Variants in ZZZ3 observed in about 807,000 individuals in gnomAD.
The protein encoded by ZZZ3 is ZZ-type zinc finger-containing protein 3.
ZZZ3 carries 22 observed loss-of-function variants against 95.2 expected under a neutral mutation model. The ratio of observed to expected loss-of-function variants is 0.23; its 90% CI spans 0.17 to 0.33. The LOEUF is 0.33. Ranked by LOEUF, ZZZ3 falls within the 10% of genes least tolerant of loss-of-function variation. The probability of loss-of-function intolerance (pLI) is 1.00; values close to 1 mark genes in which losing one functional copy is unlikely to be tolerated. For missense variants in ZZZ3, 885 were observed against 1,066.5 expected, an observed-to-expected ratio of 0.83 and a Z score of 2.37; for synonymous variants, 335 against 358.9, an observed-to-expected ratio of 0.93 and a Z score of 0.75.
intron 5 of ZZZ3, among the ~76,000 whole-genome samples, chr1:77,617,129 G>A (rs1039028904): frequency 1.3e-5 from 2 of 152,098 alleles, no homozygotes; most frequent in African/African-American, 4.8e-5. Context: ...TCATCTGTCT[G>A]TGGTAAAAAT....
chr1:77,599,009 C>A (rs1240201743), intron 5 of ZZZ3, among the ~76,000 whole-genome samples: 1 of 152,058 alleles, frequency 6.6e-6, no homozygotes, highest in African/African-American at 2.4e-5. Context: ...GATGAGGAGG[C>A]TGGAGAGACG....
intron 5 of ZZZ3, among the ~76,000 whole-genome samples, chr1:77,605,737 A>G (rs1665166001): frequency 6.6e-6 from 1 of 152,144 alleles, no homozygotes. Context: ...ACCCTGGGCC[A>G]GAAAGGAACC....
chr1:77,644,047 G>A (rs1669025706), intron 1 of ZZZ3, among the ~76,000 whole-genome samples: 1 of 151,806 alleles, frequency 6.6e-6, no homozygotes, highest in Admixed American at 6.6e-5. Context: ...TATGGTCAAA[G>A]ACAGAAATAA....
chr1:77,600,622 T>C (rs1191209707), intron 5 of ZZZ3, among the ~76,000 whole-genome samples: 1 of 151,928 alleles, frequency 6.6e-6, no homozygotes, highest in Non-Finnish European at 1.5e-5. Flanking sequence ...GAAAGACAAT[T>C]AGCTAAGAAA....
rs751364188 is a variant in ZZZ3 at position 77,564,753 on chromosome 1, G to A, written c.*887C>T. ...TATGGATCTTGTGCAGACTACAAAA[G>A]AGGGAAATTATTACCATATATATGA... On this transcript the variant is annotated 3_prime_UTR_variant, in exon 15 of 15. Transcript: ENST00000370801. 1 of 152,566 alleles carries A rather than the reference G, an allele frequency of 6.6e-6. No individual in the cohort carries two copies. Among genetic ancestry groups the A allele is most frequent in the Non-Finnish European group, 1.5e-5 (1 of 68,020 alleles). The allele number at this position is 152,566 out of a possible 1,614,324, so 9.5% of individuals were successfully genotyped here.
At chr1:77,617,767 G>A (rs1257988434) in intron 5 of ZZZ3, among the ~76,000 whole-genome samples, 1 of 145,186 alleles carries the variant, frequency 6.9e-6, no homozygotes, top group Non-Finnish European at 1.5e-5. Flanking sequence ...GTGAAACCCT[G>A]CCTCTACTGA....
intron 1 of ZZZ3, among the ~76,000 whole-genome samples, chr1:77,656,223 G>A (rs1670256955): frequency 6.6e-6 from 1 of 152,018 alleles, no homozygotes; most frequent in South Asian, 2.1e-4. Context: ...TTAATTCTTG[G>A]CTTGCTTTAA....
At chr1:77,592,923 TAAAGA>T (rs1455521765) in intron 5 of ZZZ3, among the ~76,000 whole-genome samples, 26 of 152,208 alleles carry the variant, frequency 1.7e-4, no homozygotes, top group African/African-American at 5.8e-4. Context: ...TATTACGAGG[TAAAGA>T]TCCACAAGAA....
At chr1:77,658,121 G>T (rs1376808040) in intron 1 of ZZZ3, among the ~76,000 whole-genome samples, 1 of 149,998 alleles carries the variant, frequency 6.7e-6, no homozygotes, top group African/African-American at 2.5e-5. Flanking sequence ...AGAGGTTGCG[G>T]CGAGCTGAGA....
At chr1:77,570,381 G>C (rs576412448) in intron 12 of ZZZ3, among the ~76,000 whole-genome samples, 39 of 152,272 alleles carry the variant, frequency 2.6e-4, no homozygotes, top group Non-Finnish European at 5.6e-4. Flanking sequence ...GGGATTACAG[G>C]CATACCACAC....
chr1:77,682,348 G>C (rs1672859498), intron 1 of ZZZ3, among the ~76,000 whole-genome samples: 2 of 152,238 alleles, frequency 1.3e-5, no homozygotes, highest in Admixed American at 1.3e-4. Flanking sequence ...GTCTGCGCGA[G>C]CACGGCTCCC....
At position 77,566,189 on chromosome 1, in the gene ZZZ3, A is replaced by G. The variant is rs769933525; in HGVS notation, c.2467-8T>C. 6 of 1,580,634 alleles carry G rather than the reference A, an allele frequency of 3.8e-6. No homozygotes were observed. In the African/African-American group the frequency reaches 4.1e-5, roughly 11 times the overall value. ...TATGCCACAGTTATCACACTATAACAGATTCAGAGAGAAAATGTATTAAGT... is the reference window on the plus strand; with the variant it reads ...TATGCCACAGTTATCACACTATAACGGATTCAGAGAGAAAATGTATTAAGT... On this transcript the variant is annotated splice_region_variant and splice_polypyrimidine_tract_variant and intron_variant, in intron 13 of 14. Coordinates refer to ENST00000370801, the MANE Select transcript of ZZZ3 (RefSeq NM_015534.6).
At chr1:77,575,756 C>T (rs907452546) in intron 12 of ZZZ3, among the ~76,000 whole-genome samples, 1 of 152,066 alleles carries the variant, frequency 6.6e-6, no homozygotes. Flanking sequence ...AACAAATTAC[C>T]TTTTATAAAC....
At chr1:77,671,095 G>C (rs1454491637) in intron 1 of ZZZ3, among the ~76,000 whole-genome samples, 1 of 151,468 alleles carries the variant, frequency 6.6e-6, no homozygotes, top group East Asian at 1.9e-4. Context: ...CCTCAGAATG[G>C]AGGCACTTTA....
At chr1:77,608,773 T>C (rs1028317052) in intron 5 of ZZZ3, among the ~76,000 whole-genome samples, 1 of 152,148 alleles carries the variant, frequency 6.6e-6, no homozygotes, top group Non-Finnish European at 1.5e-5. Context: ...TTTTTTTAAG[T>C]CTTGTTTTTG....
At chr1:77,654,813 T>G (rs1670125895) in intron 1 of ZZZ3, among the ~76,000 whole-genome samples, 1 of 152,252 alleles carries the variant, frequency 6.6e-6, no homozygotes, top group East Asian at 1.9e-4. Context: ...AAAATAAATT[T>G]CTTCCTTTCT....
At chr1:77,618,955 A>G (rs1343529601) in intron 5 of ZZZ3, among the ~76,000 whole-genome samples, 3 of 152,172 alleles carry the variant, frequency 2.0e-5, no homozygotes, top group Non-Finnish European at 2.9e-5. Context: ...GCTTTTCTAA[A>G]TATATGCCAC....
At chr1:77,673,237 G>C (rs987738448) in intron 1 of ZZZ3, among the ~76,000 whole-genome samples, 3 of 152,138 alleles carry the variant, frequency 2.0e-5, no homozygotes, top group Admixed American at 2.0e-4. Context: ...CTTTCACTAT[G>C]ACTTTCCTTA....
In ZZZ3 at chr1:77,632,283, G is replaced by C. The variant is rs1557744466; in HGVS notation, c.1072C>G (p.Leu358Val). The C allele has an allele frequency of 6.2e-7, 1 of 1,614,108 alleles. No individual in the cohort carries two copies. Among genetic ancestry groups the C allele is most frequent in the Non-Finnish European group, 8.5e-7 (1 of 1,180,016 alleles). ...ATCATTTGAGCTGAAACACAGTCTA[G>C]AACAGGAGATGGTTCAGGTTCTCCG... The part of the protein sequence containing the change: ...ASGEPEPSPV[L>V]DCVSAQMMSL... Residue 358 changes from leucine (L) to valine (V), a missense_variant, in exon 5 of 15, where the codon CTA (leucine) becomes GTA (valine). This residue lies in a region of ZZZ3 where 556 missense variants were observed against 652.9 expected (regional missense o/e 0.85). Coordinates refer to ENST00000370801, the MANE Select transcript of ZZZ3 (RefSeq NM_015534.6).
Sources: allele counts gnomAD v4.1 joint callset (sites outside exome capture counted in the v4.1 genomes callset), GRCh38; gene constraint gnomAD v4.1.1; regional missense constraint gnomAD v4.1.1; transcripts MANE v1.5; gene names NCBI Gene and HGNC (gene_info 2026-07-23, HGNC 2026-07-21).